The following COL18A1 variants were observed in gnomAD, a reference collection of about 807,000 sequenced individuals.
COL18A1 encodes the protein collagen alpha-1(XVIII) chain.
In COL18A1, 133 loss-of-function variants were observed where a neutral mutation model predicts 168.0. That is an observed-to-expected ratio of 0.79 (90% CI 0.69 to 0.91). The LOEUF is 0.91. COL18A1 is among the 40% of genes least tolerant of loss of function. COL18A1 has a pLI of 0.00. For synonymous variants in COL18A1, 949 were observed against 809.0 expected (o/e 1.17, Z -2.94); for missense variants, 2,126 against 1,925.4 (o/e 1.10, Z -1.95).
At chr21:45,420,448 C>T (rs954552940) in intron 2 of COL18A1, 1 of 152,214 alleles carries the variant, frequency 6.6e-6, no homozygotes, top group Non-Finnish European at 1.5e-5. Context: ...GACCCTGGCT[C>T]GTCCCCCTGC....
intron 2 of COL18A1, among the ~76,000 whole-genome samples, chr21:45,460,906 T>C (rs1011867993): frequency 3.9e-5 from 6 of 152,174 alleles, no homozygotes; most frequent in Admixed American, 3.9e-4. Flanking sequence ...GGGTACAAGA[T>C]CTTGTGTGAT....
At chr21:45,467,445 C>G in intron 2 of COL18A1, 2 of 985,172 alleles carry the variant, frequency 2.0e-6, no homozygotes, top group Non-Finnish European at 2.4e-6. Flanking sequence ...GCAGCCCCTC[C>G]AAGGGGTGAT....
intron 2 of COL18A1, among the ~76,000 whole-genome samples, chr21:45,444,806 C>A (rs544946421): frequency 6.6e-6 from 1 of 152,046 alleles, no homozygotes; most frequent in Admixed American, 6.5e-5. Flanking sequence ...TTGATATAGC[C>A]CCTCTAAAAA....
At position 45,504,521 on chromosome 21, in the gene COL18A1, G is replaced by C; in HGVS notation, c.2833G>C (p.Gly945Arg). Residue 945 changes from glycine (G) to arginine (R), a missense_variant, in exon 34 of 42, where the codon GGC becomes CGC. Gly to Arg is a moderately radical substitution (Grantham distance 125). Transcript: ENST00000651438. ...SSLPGPPGPPGPPGPRGYPGI... is the reference protein window; with the variant it reads ...SSLPGPPGPPRPPGPRGYPGI... ...CCTGCCCGGCCCCCCCGGCCCCCCAGGCCCCCCAGGCCCACGTGGCTACCC... is the reference window on the plus strand; with the variant it reads ...CCTGCCCGGCCCCCCCGGCCCCCCACGCCCCCCAGGCCCACGTGGCTACCC... 2 of 1,348,994 alleles carry C rather than the reference G, an allele frequency of 1.5e-6. No individual in the cohort carries two copies. Among genetic ancestry groups the C allele is most frequent in the African/African-American group, 3.1e-5 (1 of 31,854 alleles). 83.6% of individuals were successfully genotyped at this position (1,348,994 alleles called of 1,614,324 possible).
rs371961891 is a variant in COL18A1, at chr21:45,425,757, G to A, written c.106+20284G>A. Among the ~76,000 whole-genome samples, 1 of 152,316 alleles carries A rather than the reference G, an allele frequency of 6.6e-6. No individual in the cohort carries two copies. Among genetic ancestry groups the A allele is most frequent in the African/African-American group, 2.4e-5 (1 of 41,574 alleles). ...TGGTGACCCCCATCCTCCCCAGGGT[G>A]GTCTGGCAGGGGACACTGTTTTCCA... On this transcript the variant is annotated intron_variant, in intron 2 of 41. Transcript: ENST00000651438. This position sits in a 1 kb window ranked among gnomAD's most constrained non-coding sequence, Gnocchi z 4.1.
At position 45,486,984 on chromosome 21, in the gene COL18A1, G is replaced by C; in HGVS notation, c.1825G>C (p.Ala609Pro). 1 of 1,521,102 alleles carries C rather than the reference G, an allele frequency of 6.6e-7. No homozygotes were observed. The allele number at this position is 1,521,102 out of a possible 1,614,324, so 94.2% of individuals were successfully genotyped here. A position where few individuals can be genotyped will look rare whatever the true frequency, so the allele number is the denominator to read the frequency against. Residue 609 changes from alanine to proline, a missense_variant, in exon 16 of 42, where the codon GCT becomes CCT. By Grantham distance (27) the Ala-to-Pro change is conservative. Coordinates refer to ENST00000651438, the MANE Select transcript of COL18A1 (RefSeq NM_001379500.1). ...TGGGCCCCCAGGACCAGGACTCCCC[G>C]CTGGATTTGTGAGTACCGCCTACAC... Reference protein sequence around the residue: ...PPGPPGPGLPAGFDDMEGSGG... With the variant: ...PPGPPGPGLPPGFDDMEGSGG...
At chr21:45,506,252 C>T in intron 37 of COL18A1, 2 of 449,888 alleles carry the variant, frequency 4.4e-6, no homozygotes, top group East Asian at 9.1e-5. Context: ...TAAATGTCAC[C>T]TCACACACCC....
intron 37 of COL18A1, 95 bp downstream of exon 37, chr21:45,506,061 G>C (rs1160512930): frequency 6.3e-7 from 1 of 1,585,426 alleles, no homozygotes; most frequent in East Asian, 2.2e-5. Context: ...CCCGGACAGG[G>C]ATGGGAGCAG....
Position 45,423,113 on chromosome 21 carries a change from C to T in COL18A1, c.106+17640C>T, listed in dbSNP as rs138557866. Reference sequence around the variant, plus strand: ...ATAGGTGTGAGCCACCGCACCCGGCCGAAGTGGTTTTAATGTCCCCACTTT... The same window carrying T: ...ATAGGTGTGAGCCACCGCACCCGGCTGAAGTGGTTTTAATGTCCCCACTTT... On this transcript the variant is annotated intron_variant, in intron 2 of 41. Transcript: ENST00000651438. This position sits in a 1 kb window ranked among gnomAD's most constrained non-coding sequence, Gnocchi z 4.0. 1.5e-3 allele frequency among the ~76,000 whole-genome samples: 227 copies of T among 152,238 alleles called. No individual in the cohort carries two copies. The highest frequency in any genetic ancestry group is 5.2e-3 in the African/African-American group (214 of 41,518).
In COL18A1 at chr21:45,505,561, A is replaced by T. The variant is rs2037149102; in HGVS notation, c.3087+130A>T. 4.3e-6 allele frequency: 3 copies of T among 697,890 alleles called. No homozygotes were observed. In the East Asian group the frequency reaches 8.1e-5, roughly 19 times the overall value. 43.2% of individuals were successfully genotyped at this position (697,890 alleles called of 1,614,324 possible). A position where few individuals can be genotyped will look rare whatever the true frequency, so the allele number is the denominator to read the frequency against. Reference sequence around the variant, plus strand: ...TACAGGAGGCCAAGATGCGGTTTCCAGGGTGGAAGCGGGGCCAGGCCATGG... The same window carrying T: ...TACAGGAGGCCAAGATGCGGTTTCCTGGGTGGAAGCGGGGCCAGGCCATGG... On this transcript the variant is annotated intron_variant, in intron 36 of 41. Transcript: ENST00000651438.
rs543593963 is a variant in COL18A1, at chr21:45,463,416, C to T, written c.107-4826C>T. 4.0e-4 allele frequency among the ~76,000 whole-genome samples: 61 copies of T among 152,300 alleles called. No homozygotes were observed. Among genetic ancestry groups the T allele is most frequent in the Admixed American group, 1.0e-3 (16 of 15,302 alleles). ...CTGGGGTTTAGCTAAATTAACCACC[C>T]GTTACCGTCCAAGCCTTCCTGTGGA... On this transcript the variant is annotated intron_variant, in intron 2 of 41. Coordinates refer to ENST00000651438, the MANE Select transcript of COL18A1 (RefSeq NM_001379500.1). This position sits in a 1 kb window ranked among gnomAD's most constrained non-coding sequence, Gnocchi z 4.0.
chr21:45,490,265 A>G lies in COL18A1; in HGVS notation c.1960-10A>G. The G allele has an allele frequency of 6.4e-7, 1 of 1,573,708 alleles. No homozygotes were observed. Among genetic ancestry groups the G allele is most frequent in the Admixed American group, 1.8e-5 (1 of 54,182 alleles). On this transcript the variant is annotated splice_polypyrimidine_tract_variant and intron_variant, in intron 19 of 41. Coordinates refer to ENST00000651438, the MANE Select transcript of COL18A1 (RefSeq NM_001379500.1). The stretch of plus-strand genomic sequence containing the variant: ...GCCAATGCCCTGCGTCCTCCATGTG[A>G]CCCTTTCAGGGAGAAGTTGGAGCAG...
intron 26 of COL18A1, chr21:45,494,307 C>G: frequency 1.6e-6 from 1 of 610,800 alleles, no homozygotes; most frequent in Non-Finnish European, 2.9e-6. Context: ...ACGCACCAAC[C>G]TGGACGCAAA....
At position 45,504,544 on chromosome 21, in the gene COL18A1, C is replaced by T. The variant is rs1346766289; in HGVS notation, c.2856C>T (p.Tyr952=). ...GPPGPPGPRG[Y]PGIPGPKGES... is the part of the protein sequence containing the mutation. ...CAGGCCCCCCAGGCCCACGTGGCTACCCTGGGATTCCAGTAAGTCCCAGCC... is the reference window on the plus strand; with the variant it reads ...CAGGCCCCCCAGGCCCACGTGGCTATCCTGGGATTCCAGTAAGTCCCAGCC... Residue 952 remains tyrosine (Y), a synonymous_variant, in exon 34 of 42, where the codon TAC becomes TAT. Transcript: ENST00000651438. 1 of 1,575,868 alleles carries T rather than the reference C, an allele frequency of 6.3e-7. No individual in the cohort carries two copies. Among genetic ancestry groups the T allele is most frequent in the Non-Finnish European group, 8.6e-7 (1 of 1,161,900 alleles).
intron 2 of COL18A1, among the ~76,000 whole-genome samples, chr21:45,415,358 A>G (rs1337715570): frequency 6.6e-6 from 1 of 152,130 alleles, no homozygotes; most frequent in African/African-American, 2.4e-5. Context: ...GGCCTTCGGA[A>G]TCTCCTGACT....
intron 2 of COL18A1, chr21:45,422,602 T>G (rs775911134): frequency 4.8e-6 from 2 of 420,022 alleles, no homozygotes; most frequent in African/African-American, 4.1e-5. Flanking sequence ...CAGGGCACAG[T>G]GGGTGGCACG....
At chr21:45,462,614 TA>T (rs2035082156) in intron 2 of COL18A1, among the ~76,000 whole-genome samples, 1 of 152,248 alleles carries the variant, frequency 6.6e-6, no homozygotes, top group Non-Finnish European at 1.5e-5. Context: ...TCAAGGTTTT[TA>T]TATTGATATT....
rs143793369 is a variant in COL18A1, at chr21:45,422,162, A to G, written c.106+16689A>G. On this transcript the variant is annotated intron_variant, in intron 2 of 41. Transcript: ENST00000651438. Reference sequence around the variant, plus strand: ...GTTCACATACACATGGCTCACACACATGGGCTCACACACACACACACACAT... The same window carrying G: ...GTTCACATACACATGGCTCACACACGTGGGCTCACACACACACACACACAT... 4.8e-3 allele frequency among the ~76,000 whole-genome samples: 722 copies of G among 151,938 alleles called. 4 individuals are homozygous for G. The highest frequency in any genetic ancestry group is 0.017 in the African/African-American group (684 of 41,436).
chr21:45,477,584 G>T, intron 7 of COL18A1, 97 bp downstream of exon 7: 1 of 1,335,272 alleles, frequency 7.5e-7, no homozygotes. Context: ...GCCCCTCTGT[G>T]CCCGTGCCTC....
Sources: allele counts gnomAD v4.1 joint callset (sites outside exome capture counted in the v4.1 genomes callset), GRCh38; gene constraint gnomAD v4.1.1; non-coding constraint Gnocchi (gnomAD v3.1); transcripts MANE v1.5; gene names NCBI Gene and HGNC (gene_info 2026-07-23, HGNC 2026-07-21).